Variants in OTULIN observed in about 807,000 individuals in gnomAD.
OTULIN encodes ubiquitin thioesterase otulin.
In OTULIN, 15 loss-of-function variants were observed where a neutral mutation model predicts 39.6. The observed-to-expected ratio is 0.38, with a 90% CI of 0.25 to 0.58. OTULIN has a LOEUF of 0.58. Among genes scored for constraint, OTULIN ranks in the 20% least tolerant of loss-of-function variants. The pLI, the probability that OTULIN is intolerant of heterozygous loss-of-function variation, is 0.66. For synonymous variants in OTULIN, 156 were observed against 170.3 expected, an observed-to-expected ratio of 0.92 and a Z score of 0.65; for missense variants, 319 against 445.9, an observed-to-expected ratio of 0.72 and a Z score of 2.56.
chr5:14,673,749 T>C lies in OTULIN; in HGVS notation c.229+31T>C, dbSNP rs542274154. The C allele has an allele frequency of 2.7e-5, 43 of 1,582,008 alleles. 1 individual carries two copies. The South Asian group carries it at 4.0e-4, about 15-fold the overall frequency. Reference sequence around the variant, plus strand: ...TTTGGAATTGTTTTATTTATAGAGTTCTTATTGTTTATAGCAGAAAATGCA... The same window carrying C: ...TTTGGAATTGTTTTATTTATAGAGTCCTTATTGTTTATAGCAGAAAATGCA... On this transcript the variant is annotated intron_variant, in intron 2 of 6. Transcript: ENST00000284274.
intron 1 of OTULIN, 30 bp downstream of exon 1, chr5:14,665,007 C>T (rs1424202606): frequency 1.2e-5 from 12 of 1,037,512 alleles, no homozygotes; most frequent in African/African-American, 1.7e-5. Flanking sequence ...GGGCGCGGGC[C>T]GTGGGCGGCG....
intron 6 of OTULIN, among the ~76,000 whole-genome samples, chr5:14,691,267 T>A (rs150567100): frequency 2.8e-3 from 421 of 152,314 alleles, no homozygotes; most frequent in African/African-American, 9.5e-3. Flanking sequence ...CCTGCTTTTT[T>A]CTAAAAAGGC....
At chr5:14,710,910 A>C in the OTULIN span, 1 of 415,470 alleles carries the variant, frequency 2.4e-6, no homozygotes, top group African/African-American at 2.0e-5. Flanking sequence ...ACACAACGTC[A>C]ACCGTGAGGC....
At chr5:14,702,033 G>A (rs1736805297), downstream of OTULIN, among the ~76,000 whole-genome samples, 2 of 152,190 alleles carry the variant, frequency 1.3e-5, no homozygotes, top group South Asian at 4.1e-4. Flanking sequence ...TGGTTCTGGA[G>A]GGAGGCTTCT....
Position 14,685,122 on chromosome 5 carries a change from G to A in OTULIN, c.469-2399G>A, listed in dbSNP as rs183546184. Among the ~76,000 whole-genome samples, 261 of 152,294 alleles carry A rather than the reference G, an allele frequency of 1.7e-3. 4 individuals carry two copies. The highest frequency in any genetic ancestry group is 0.015 in the Admixed American group (226 of 15,302). ...CCTTTAGAGTTTGGTTTCCAAGTTC[G>A]TTACATTTTATAATGTCTCTGAACT... On this transcript the variant is annotated intron_variant, in intron 4 of 6. Transcript: ENST00000284274.
At chr5:14,677,243 C>T (rs934189191) in intron 2 of OTULIN, among the ~76,000 whole-genome samples, 1 of 152,140 alleles carries the variant, frequency 6.6e-6, no homozygotes, top group African/African-American at 2.4e-5. Context: ...GTTGTCTTTT[C>T]TCCTCCAGCA....
At chr5:14,683,508 A>C (rs190353989) in intron 4 of OTULIN, among the ~76,000 whole-genome samples, 1 of 152,346 alleles carries the variant, frequency 6.6e-6, no homozygotes, top group Non-Finnish European at 1.5e-5. Flanking sequence ...CAATGATTTC[A>C]CTGTTTTTGC....
chr5:14,703,195 C>A (rs1251413564), downstream of OTULIN, among the ~76,000 whole-genome samples: 1 of 152,076 alleles, frequency 6.6e-6, no homozygotes, highest in Non-Finnish European at 1.5e-5. Flanking sequence ...GTGTATTGAA[C>A]TGGGCAGTCA....
intron 6 of OTULIN, among the ~76,000 whole-genome samples, chr5:14,691,854 T>C (rs905274053): frequency 1.3e-5 from 2 of 152,262 alleles, no homozygotes; most frequent in Non-Finnish European, 2.9e-5. Context: ...TGTGGTCTTT[T>C]GTTTATGGCT....
intron 5 of OTULIN, among the ~76,000 whole-genome samples, chr5:14,688,601 TAAG>T (rs945257491): frequency 4.6e-5 from 7 of 152,214 alleles, no homozygotes; most frequent in Admixed American, 1.3e-4. Context: ...CTTAGAAAGA[TAAG>T]AAATGTTTAC....
intron 6 of OTULIN, among the ~76,000 whole-genome samples, chr5:14,691,327 C>T (rs1034252941): frequency 1.3e-5 from 2 of 152,208 alleles, no homozygotes; most frequent in African/African-American, 2.4e-5. Context: ...AGTTAGTTTC[C>T]ATTCTGAGCT....
At chr5:14,691,690 TAC>T (rs1348601000) in intron 6 of OTULIN, among the ~76,000 whole-genome samples, 4 of 152,050 alleles carry the variant, frequency 2.6e-5, no homozygotes, top group Non-Finnish European at 5.9e-5. Context: ...CAGCCATCAC[TAC>T]AGTCTAATTT....
At chr5:14,700,698 T>G (rs1423187091), downstream of OTULIN, among the ~76,000 whole-genome samples, 1 of 151,096 alleles carries the variant, frequency 6.6e-6, no homozygotes, top group Non-Finnish European at 1.5e-5. Context: ...TCCCCACCTT[T>G]CACGGAGCTC....
intron 2 of OTULIN, among the ~76,000 whole-genome samples, chr5:14,677,939 T>C (rs1736147440): frequency 6.6e-6 from 1 of 152,250 alleles, no homozygotes; most frequent in Admixed American, 6.5e-5. Context: ...CATGAGCACC[T>C]GTGTGTCAGT....
intron 5 of OTULIN, among the ~76,000 whole-genome samples, chr5:14,688,283 G>A (rs1736437053): frequency 6.6e-6 from 1 of 152,092 alleles, no homozygotes; most frequent in Non-Finnish European, 1.5e-5. Flanking sequence ...GCAGCTTGGA[G>A]CCCTTCTCAC....
intron 1 of OTULIN, among the ~76,000 whole-genome samples, chr5:14,665,867 T>G (rs1245425932): frequency 6.6e-6 from 1 of 152,350 alleles, no homozygotes; most frequent in East Asian, 1.9e-4. Context: ...TACTTAGACA[T>G]TCTCATTTGT....
intron 1 of OTULIN, among the ~76,000 whole-genome samples, chr5:14,671,887 G>A (rs1735986069): frequency 6.6e-6 from 1 of 151,962 alleles, no homozygotes; most frequent in African/African-American, 2.4e-5. Flanking sequence ...CCATGTATCT[G>A]TTTCTTAAAA....
rs1736510272 is a variant in OTULIN at position 14,690,952 on chromosome 5, CTTG to C, written c.864+647_864+649del. On this transcript the variant is annotated intron_variant, in intron 6 of 6. Transcript: ENST00000284274. The surrounding 1 kb of genome is among the most constrained non-coding windows in gnomAD (Gnocchi z 4.5). ...TACTTGGAAGAGCCATTCGAAGGGT[CTTG>C]TTTAATCTTGGCAACTGTAGCTGCA... is the stretch of plus-strand genomic sequence containing the variant. Among the ~76,000 whole-genome samples the C allele has an allele frequency of 6.6e-6, 1 of 152,162 alleles. No homozygotes were observed. The highest frequency in any genetic ancestry group is 1.5e-5 in the Non-Finnish European group (1 of 68,034).
At chr5:14,679,524 T>C (rs1211543221) in intron 3 of OTULIN, among the ~76,000 whole-genome samples, 5 of 152,246 alleles carry the variant, frequency 3.3e-5, no homozygotes, top group African/African-American at 1.2e-4. Flanking sequence ...TGCTCATTTT[T>C]CTCTTGGGAT....
Sources: allele counts gnomAD v4.1 joint callset (sites outside exome capture counted in the v4.1 genomes callset), GRCh38; gene constraint gnomAD v4.1.1; non-coding constraint Gnocchi (gnomAD v3.1); transcripts MANE v1.5; gene names NCBI Gene and HGNC (gene_info 2026-07-23, HGNC 2026-07-21).